TIAM1: variants seen among roughly 807,000 people sequenced by gnomAD.
TIAM1 encodes the protein TIAM Rac1 associated GEF 1.
Under a neutral mutation model 163.5 loss-of-function variants are expected in TIAM1, and 65 were observed. The observed-to-expected ratio is 0.40, with a 90% confidence interval of 0.33 to 0.49. The LOEUF is 0.49. TIAM1 is among the 20% of genes least tolerant of loss of function. The probability of loss-of-function intolerance (pLI) is 0.77; values close to 1 mark genes in which losing one functional copy is unlikely to be tolerated. For synonymous variants in TIAM1, 833 were observed against 810.1 expected, an observed-to-expected ratio of 1.03 and a Z score of -0.48; for missense variants, 1,789 against 2,044.7, an observed-to-expected ratio of 0.87 and a Z score of 2.41.
chr21:31,416,480 C>G (rs1268740071), intron 2 of TIAM1, among the ~76,000 whole-genome samples: 1 of 152,102 alleles, frequency 6.6e-6, no homozygotes, highest in Non-Finnish European at 1.5e-5. Context: ...CCTTCCCAAC[C>G]TTTCCCCCTG....
intron 1 of TIAM1, among the ~76,000 whole-genome samples, chr21:31,507,944 A>G (rs2047086136): frequency 6.6e-6 from 1 of 152,232 alleles, no homozygotes; most frequent in African/African-American, 2.4e-5. Flanking sequence ...GTCTTCGTAG[A>G]CATAATCAAG....
intron 2 of TIAM1, among the ~76,000 whole-genome samples, chr21:31,391,870 C>G: frequency 6.6e-6 from 1 of 152,052 alleles, no homozygotes; most frequent in East Asian, 1.9e-4. Context: ...GACGGTTAGA[C>G]TTACAGTTTT....
intron 2 of TIAM1, among the ~76,000 whole-genome samples, chr21:31,387,185 A>C (rs945739595): frequency 1.5e-5 from 2 of 133,886 alleles, no homozygotes; most frequent in Non-Finnish European, 3.2e-5. Flanking sequence ...TGTTTGTAGA[A>C]GCTTATTCTC....
intron 6 of TIAM1, among the ~76,000 whole-genome samples, chr21:31,241,064 G>A (rs2071147857): frequency 6.6e-6 from 1 of 152,106 alleles, no homozygotes; most frequent in Admixed American, 6.5e-5. Context: ...CTTGTCTGCT[G>A]CCATGTAAGA....
At chr21:31,545,827 G>A (rs963493788) in intron 1 of TIAM1, among the ~76,000 whole-genome samples, 8 of 152,112 alleles carry the variant, frequency 5.3e-5, no homozygotes, top group African/African-American at 1.9e-4. Context: ...TTGTTAAGAG[G>A]AACACTTTGT....
chr21:31,347,197 G>T (rs112077639), upstream of TIAM1, among the ~76,000 whole-genome samples: 1 of 152,146 alleles, frequency 6.6e-6, no homozygotes, highest in African/African-American at 2.4e-5. Context: ...ATGTGAACAC[G>T]TTACATAAAC....
rs749665308 is a variant in TIAM1, at chr21:31,127,045, C to A, written c.4133+20G>T. 21 of 1,613,236 alleles carry A rather than the reference C, an allele frequency of 1.3e-5. No homozygotes were observed. The East Asian group carries it at 4.5e-4, about 34-fold the overall frequency. On this transcript the variant is annotated intron_variant, in intron 26 of 27. Coordinates refer to ENST00000541036, the MANE Select transcript of TIAM1 (RefSeq NM_001353694.2). ...TGCAGAAATGTCAACACGGCCTCGACTTTACAGGCCCAGGCTCACCTGCAG... is the reference window on the plus strand; with the variant it reads ...TGCAGAAATGTCAACACGGCCTCGAATTTACAGGCCCAGGCTCACCTGCAG...
At chr21:31,428,653 C>T (rs865876781) in intron 2 of TIAM1, among the ~76,000 whole-genome samples, 8 of 152,214 alleles carry the variant, frequency 5.3e-5, no homozygotes, top group African/African-American at 1.2e-4. Flanking sequence ...GAGGTCGAGG[C>T]AGGCAAATGG....
At chr21:31,326,134 G>A (rs921145311) in intron 2 of TIAM1, among the ~76,000 whole-genome samples, 5 of 151,944 alleles carry the variant, frequency 3.3e-5, no homozygotes, top group Non-Finnish European at 7.4e-5. Flanking sequence ...CTCCCCTCCC[G>A]CAGGTGAGCC....
Position 31,469,079 on chromosome 21 carries a change from C to CTTTT in TIAM1, c.-421-5048_-421-5045dup, listed in dbSNP as rs765505214. Among the ~76,000 whole-genome samples, 8 of 110,886 alleles carry CTTTT rather than the reference C, an allele frequency of 7.2e-5. No individual in the cohort carries two copies. The East Asian group carries it at 1.5e-3, about 21-fold the overall frequency. 72.7% of individuals were successfully genotyped at this position (110,886 alleles called of 152,430 possible). A position where few individuals can be genotyped will look rare whatever the true frequency, so the allele number is the denominator to read the frequency against. The stretch of plus-strand genomic sequence containing the variant: ...CCTGCTGCCCCAGTGGAACCAATCC[C>CTTTT]TTTTTTTTTTTTTTTTTTTTTGAGA... On this transcript the variant is annotated intron_variant, in intron 1 of 28. Transcript: ENST00000286827.
chr21:31,440,590 G>A (rs2044382264), intron 2 of TIAM1, among the ~76,000 whole-genome samples: 1 of 152,134 alleles, frequency 6.6e-6, no homozygotes, highest in Non-Finnish European at 1.5e-5. Flanking sequence ...CCAATGGATT[G>A]AAAGACAAAT....
chr21:31,302,792 T>C (rs1361898252), intron 2 of TIAM1, among the ~76,000 whole-genome samples: 2 of 152,234 alleles, frequency 1.3e-5, no homozygotes, highest in African/African-American at 4.8e-5. Flanking sequence ...TGATGTAGAC[T>C]GCCATTTTAA....
chr21:31,391,166 T>C (rs1346334816), intron 2 of TIAM1, among the ~76,000 whole-genome samples: 2 of 152,076 alleles, frequency 1.3e-5, no homozygotes, highest in Non-Finnish European at 2.9e-5. Context: ...GGCTTCTTTG[T>C]GTACGCTGTT....
At chr21:31,278,207 T>C (rs1390665987) in intron 2 of TIAM1, among the ~76,000 whole-genome samples, 3 of 152,214 alleles carry the variant, frequency 2.0e-5, no homozygotes, top group Admixed American at 2.0e-4. Flanking sequence ...CATAGAACTT[T>C]CCATTGTATA....
chr21:31,514,073 GA>G (rs2047301648), intron 1 of TIAM1, among the ~76,000 whole-genome samples: 1 of 151,938 alleles, frequency 6.6e-6, no homozygotes, highest in African/African-American at 2.4e-5. Context: ...GACATTTCTG[GA>G]AGGAAAATTC....
chr21:31,211,555 T>C (rs2086888014), intron 10 of TIAM1, among the ~76,000 whole-genome samples: 2 of 152,282 alleles, frequency 1.3e-5, no homozygotes, highest in South Asian at 2.1e-4. Context: ...TAACCTCCAT[T>C]CAAAAGAAGA....
intron 2 of TIAM1, among the ~76,000 whole-genome samples, chr21:31,383,789 A>T (rs1287266356): frequency 1.3e-5 from 2 of 152,204 alleles, no homozygotes; most frequent in Non-Finnish European, 2.9e-5. Context: ...AAGCGAGCTC[A>T]TTACAGTATG....
intron 15 of TIAM1, among the ~76,000 whole-genome samples, chr21:31,167,510 G>A (rs1388949417): frequency 1.3e-5 from 2 of 152,098 alleles, no homozygotes; most frequent in African/African-American, 2.4e-5. Context: ...GCTGAGCTCC[G>A]AAAACTCTCC....
intron 3 of TIAM1, among the ~76,000 whole-genome samples, chr21:31,275,912 C>A (rs1289343851): frequency 6.6e-6 from 1 of 152,104 alleles, no homozygotes; most frequent in Non-Finnish European, 1.5e-5. Context: ...TATAAATTTT[C>A]ACTCCCCTGA....
Sources: allele counts gnomAD v4.1 joint callset (sites outside exome capture counted in the v4.1 genomes callset), GRCh38; gene constraint gnomAD v4.1.1; transcripts MANE v1.5; gene names NCBI Gene and HGNC (gene_info 2026-07-23, HGNC 2026-07-21).